The following HS6ST3 variants were observed in gnomAD, a reference collection of about 807,000 sequenced individuals.
HS6ST3 encodes heparan sulfate 6-O-sulfotransferase 3, also known as heparan-sulfate 6-O-sulfotransferase 3.
A neutral mutation model predicts 36.7 loss-of-function variants in HS6ST3; 12 were observed. The observed-to-expected ratio is 0.33, with a 90% confidence interval of 0.21 to 0.53. The LOEUF is 0.53. Ranked by LOEUF, HS6ST3 falls within the 20% of genes least tolerant of loss-of-function variation. The probability of loss-of-function intolerance (pLI) is 0.95; values close to 1 mark genes in which losing one functional copy is unlikely to be tolerated. For missense variants in HS6ST3, 584 were observed against 640.9 expected, an observed-to-expected ratio of 0.91 and a Z score of 0.96; for synonymous variants, 240 against 257.5, an observed-to-expected ratio of 0.93 and a Z score of 0.65.
intron 1 of HS6ST3, among the ~76,000 whole-genome samples, chr13:96,825,845 C>G (rs1878635714): frequency 6.6e-6 from 1 of 152,150 alleles, no homozygotes; most frequent in South Asian, 2.1e-4. Context: ...TTGAAGAGCT[C>G]TCTTAAATAT....
intron 1 of HS6ST3, among the ~76,000 whole-genome samples, chr13:96,704,296 G>A (rs1238952741): frequency 2.0e-5 from 3 of 152,128 alleles, no homozygotes; most frequent in Non-Finnish European, 4.4e-5. Context: ...TCTAGAATAA[G>A]TCCCAACCTG....
intron 1 of HS6ST3, among the ~76,000 whole-genome samples, chr13:96,596,675 A>G (rs909295735): frequency 6.6e-6 from 1 of 152,156 alleles, no homozygotes; most frequent in African/African-American, 2.4e-5. Flanking sequence ...TAAAAAGTCA[A>G]AAAAGAACAG....
chr13:96,157,777 C>G (rs1566895722), intron 1 of HS6ST3, among the ~76,000 whole-genome samples: 1 of 152,138 alleles, frequency 6.6e-6, no homozygotes, highest in Non-Finnish European at 1.5e-5. Context: ...CAAGAGGACT[C>G]AAAAAGTGAC....
At chr13:96,749,027 C>T (rs1876630227) in intron 1 of HS6ST3, among the ~76,000 whole-genome samples, 1 of 152,074 alleles carries the variant, frequency 6.6e-6, no homozygotes, top group Admixed American at 6.6e-5. Context: ...CACTGCCGTC[C>T]TTCCATTTTT....
intron 1 of HS6ST3, among the ~76,000 whole-genome samples, chr13:96,350,886 C>T (rs1267710424): frequency 6.6e-6 from 1 of 152,150 alleles, no homozygotes; most frequent in Non-Finnish European, 1.5e-5. Flanking sequence ...CCCATTGCTT[C>T]CTGTCCATCC....
chr13:96,257,630 G>T (rs2054643410), intron 1 of HS6ST3, among the ~76,000 whole-genome samples: 1 of 152,056 alleles, frequency 6.6e-6, no homozygotes, highest in Non-Finnish European at 1.5e-5. Context: ...TTTTTAAAAT[G>T]CTCATTACAG....
intron 1 of HS6ST3, among the ~76,000 whole-genome samples, chr13:96,802,608 C>T (rs984492409): frequency 1.3e-5 from 2 of 152,178 alleles, no homozygotes; most frequent in East Asian, 3.8e-4. Context: ...TCAAGATGTA[C>T]TGAGATGCTC....
chr13:96,373,585 C>T (rs890239090), intron 1 of HS6ST3, among the ~76,000 whole-genome samples: 4 of 152,158 alleles, frequency 2.6e-5, no homozygotes, highest in African/African-American at 9.7e-5. Context: ...TGTGTCATTA[C>T]TTGCATTCCC....
intron 1 of HS6ST3, among the ~76,000 whole-genome samples, chr13:96,299,124 T>A (rs1400532220): frequency 6.6e-6 from 1 of 152,192 alleles, no homozygotes; most frequent in Non-Finnish European, 1.5e-5. Context: ...TTTCAGCCCT[T>A]AATCCAGGCA....
At chr13:96,737,392 G>A (rs1466864183) in intron 1 of HS6ST3, among the ~76,000 whole-genome samples, 2 of 151,752 alleles carry the variant, frequency 1.3e-5, no homozygotes, top group East Asian at 1.9e-4. Context: ...TTGGGAGGCC[G>A]AGGCGGGTGG....
intron 1 of HS6ST3, among the ~76,000 whole-genome samples, chr13:96,794,554 A>G (rs553205097): frequency 7.5e-4 from 114 of 152,204 alleles, no homozygotes; most frequent in African/African-American, 2.4e-3. Context: ...CTATTTGACA[A>G]ATTACTCTAC....
At chr13:96,330,800 C>T (rs2055062103) in intron 1 of HS6ST3, among the ~76,000 whole-genome samples, 1 of 150,858 alleles carries the variant, frequency 6.6e-6, no homozygotes, top group African/African-American at 2.4e-5. Context: ...TTCCATTCTC[C>T]CCATCACTTT....
chr13:96,184,323 A>G (rs114616901), intron 1 of HS6ST3, among the ~76,000 whole-genome samples: 2,396 of 151,664 alleles, frequency 0.016, 62 homozygotes, highest in African/African-American at 0.056. Flanking sequence ...TTGTCATGCT[A>G]TCTGTTGTAC....
chr13:96,753,176 T>C (rs1419317405), intron 1 of HS6ST3, among the ~76,000 whole-genome samples: 2 of 152,254 alleles, frequency 1.3e-5, no homozygotes, highest in Admixed American at 6.5e-5. Context: ...TAAGGCAAGT[T>C]CTCACAAACT....
At chr13:96,717,601 G>A (rs745725894) in intron 1 of HS6ST3, among the ~76,000 whole-genome samples, 3 of 152,148 alleles carry the variant, frequency 2.0e-5, no homozygotes, top group Non-Finnish European at 4.4e-5. Context: ...ATAGCTATTC[G>A]TTACTAAGTA....
chr13:96,463,686 T>C (rs551683107), intron 1 of HS6ST3, among the ~76,000 whole-genome samples: 3 of 152,056 alleles, frequency 2.0e-5, no homozygotes, highest in East Asian at 3.9e-4. Context: ...TGGCAACACA[T>C]ACAGCTGGGA....
chr13:96,777,843 A>G (rs185320146), intron 1 of HS6ST3, among the ~76,000 whole-genome samples: 2 of 152,128 alleles, frequency 1.3e-5, no homozygotes, highest in Admixed American at 1.3e-4. Flanking sequence ...CATTTGGAAC[A>G]AAAAAAGAGC....
intron 1 of HS6ST3, among the ~76,000 whole-genome samples, chr13:96,321,035 G>A (rs953816692): frequency 2.6e-5 from 4 of 151,852 alleles, no homozygotes; most frequent in Admixed American, 2.6e-4. Flanking sequence ...GCTATTCTTT[G>A]CACAATTATC....
chr13:96,261,375 G>A (rs1056571028), intron 1 of HS6ST3, among the ~76,000 whole-genome samples: 1 of 151,508 alleles, frequency 6.6e-6, no homozygotes, highest in African/African-American at 2.4e-5. Flanking sequence ...AAGTGGTTGG[G>A]GCTAAAGTTG....
Sources: gnomAD v4.1 joint callset for allele counts (sites outside exome capture counted in the v4.1 genomes callset) on GRCh38, gnomAD v4.1.1 for gene constraint, MANE v1.5 for transcripts, NCBI Gene and HGNC (gene_info 2026-07-23, HGNC 2026-07-21) for gene names.